The following PIK3C2A variants were observed in gnomAD, a reference collection of about 807,000 sequenced individuals.
PIK3C2A encodes phosphatidylinositol 4-phosphate 3-kinase C2 domain-containing subunit alpha.
In PIK3C2A, 97 loss-of-function variants were observed where a neutral mutation model predicts 204.5. That is an observed-to-expected ratio of 0.47 (90% CI 0.40 to 0.56). PIK3C2A has a LOEUF of 0.56. Ranked by LOEUF, PIK3C2A falls within the 20% of genes least tolerant of loss-of-function variation. The pLI is 0.00. For synonymous variants in PIK3C2A, 653 were observed against 664.4 expected, an observed-to-expected ratio of 0.98 and a Z score of 0.26; for missense variants, 1,735 against 1,969.2, an observed-to-expected ratio of 0.88 and a Z score of 2.25.
intron 1 of PIK3C2A, among the ~76,000 whole-genome samples, chr11:17,179,889 T>G (rs1057208418): frequency 1.3e-5 from 2 of 152,166 alleles, no homozygotes; most frequent in Non-Finnish European, 2.9e-5. Context: ...GGGATTACAG[T>G]GTGAACCATT....
chr11:17,159,709 C>A (rs192094751), intron 2 of PIK3C2A, among the ~76,000 whole-genome samples: 5 of 152,304 alleles, frequency 3.3e-5, no homozygotes, highest in Admixed American at 6.5e-5. Flanking sequence ...CTGTGAGGCA[C>A]AGAACTGGGA....
At chr11:17,130,740 G>A (rs1481968488) in intron 12 of PIK3C2A, among the ~76,000 whole-genome samples, 1 of 149,862 alleles carries the variant, frequency 6.7e-6, no homozygotes, top group Non-Finnish European at 1.5e-5. Context: ...CCGGGAAGCT[G>A]AGGTTACAGT....
intron 24 of PIK3C2A, among the ~76,000 whole-genome samples, 163 bp from the exon 25 acceptor site, chr11:17,101,597 CTTTTT>C (rs984303086): frequency 6.7e-6 from 1 of 149,172 alleles, no homozygotes; most frequent in East Asian, 1.9e-4. Flanking sequence ...TAACATTTTT[CTTTTT>C]TTTTCTTTTT....
At chr11:17,124,163 G>A (rs1348561432) in intron 13 of PIK3C2A, among the ~76,000 whole-genome samples, 1 of 152,098 alleles carries the variant, frequency 6.6e-6, no homozygotes, top group East Asian at 1.9e-4. Context: ...CACCACACCG[G>A]GCTATAGTCT....
chr11:17,140,241 C>G (rs1341044782), intron 8 of PIK3C2A, among the ~76,000 whole-genome samples: 1 of 151,930 alleles, frequency 6.6e-6, no homozygotes, highest in Non-Finnish European at 1.5e-5. Flanking sequence ...ACAGTGAGAC[C>G]TCCATTTCTT....
At chr11:17,166,773 C>T in intron 2 of PIK3C2A, among the ~76,000 whole-genome samples, 1 of 152,176 alleles carries the variant, frequency 6.6e-6, no homozygotes, top group Non-Finnish European at 1.5e-5. Flanking sequence ...AAACAGCTGA[C>T]ATCTTAAATC....
intron 11 of PIK3C2A, among the ~76,000 whole-genome samples, chr11:17,134,367 A>G (rs1849803058): frequency 7.1e-6 from 1 of 140,546 alleles, no homozygotes. Context: ...ACCACTGGCT[A>G]TTTTTTTTTT....
intron 22 of PIK3C2A, among the ~76,000 whole-genome samples, chr11:17,109,581 TGAGACAAGGTCTCACTGTTTTACCTGG>T (rs1295981453): frequency 1.3e-5 from 2 of 152,238 alleles, no homozygotes; most frequent in African/African-American, 4.8e-5. Context: ...TATTAGGTTT[TGAGACAAGGTCTCACTGTTTTACCTGG>T]GTTGGAGTGC....
chr11:17,181,493 T>A (rs1392474278), intron 1 of PIK3C2A, among the ~76,000 whole-genome samples: 1 of 151,424 alleles, frequency 6.6e-6, no homozygotes, highest in Non-Finnish European at 1.5e-5. Flanking sequence ...CGTAAGGCGC[T>A]GGGTGTGGCA....
At chr11:17,105,126 A>AT in intron 23 of PIK3C2A, 43 bp downstream of exon 23, 1 of 1,536,222 alleles carries the variant, frequency 6.5e-7, no homozygotes, top group Non-Finnish European at 9.0e-7. Context: ...TCTGTAACAC[A>AT]TTTTTGACAA....
Position 17,119,989 on chromosome 11 carries a change from G to A in PIK3C2A, c.2658-15C>T. The A allele has an allele frequency of 8.5e-7, 1 of 1,178,294 alleles. No individual in the cohort carries two copies. The highest frequency in any genetic ancestry group is 1.2e-6 in the Non-Finnish European group (1 of 827,732). The allele number at this position is 1,178,294 out of a possible 1,614,324, so 73.0% of individuals were successfully genotyped here. ...CTTTAGAAAGTCTGCATATATAATA[G>A]AATTAAATTACTTCTCAGTGATAAC... On this transcript the variant is annotated splice_polypyrimidine_tract_variant and intron_variant, in intron 15 of 32. Transcript: ENST00000691414.
At chr11:17,110,600 C>T (rs1565247514) in intron 21 of PIK3C2A, 39 bp from the exon 22 acceptor site, 1 of 1,576,966 alleles carries the variant, frequency 6.3e-7, no homozygotes, top group African/African-American at 1.4e-5. Flanking sequence ...TGTACATCTC[C>T]AAAAGACTTA....
At chr11:17,111,694 T>C (rs533794609) in intron 21 of PIK3C2A, among the ~76,000 whole-genome samples, 45 of 151,684 alleles carry the variant, frequency 3.0e-4, no homozygotes, top group African/African-American at 1.1e-3. Context: ...CTGGCCAACA[T>C]GGTGAAACCC....
chr11:17,138,315 A>C, intron 8 of PIK3C2A: 1 of 521,728 alleles, frequency 1.9e-6, no homozygotes, highest in Non-Finnish European at 3.4e-6. Context: ...GACGAAAAAC[A>C]GCCAGCTTCC....
chr11:17,094,726 A>C (rs76529535), intron 27 of PIK3C2A, among the ~76,000 whole-genome samples: 163 of 152,180 alleles, frequency 1.1e-3, no homozygotes, highest in African/African-American at 3.9e-3. Flanking sequence ...ATCTCAAAAA[A>C]ACCTTCTTTC....
At chr11:17,126,630 T>C (rs2040859) in intron 13 of PIK3C2A, among the ~76,000 whole-genome samples, 32,742 of 152,092 alleles carry the variant, frequency 0.22, 3,868 homozygotes, top group Middle Eastern at 0.33. Context: ...AGTGTAATAA[T>C]AATAATCATC....
intron 13 of PIK3C2A, 139 bp downstream of exon 13, chr11:17,129,161 C>T: frequency 1.6e-6 from 1 of 639,230 alleles, no homozygotes; most frequent in Middle Eastern, 2.8e-4. Flanking sequence ...TCTGAACTGA[C>T]CTCCTTTTAT....
chr11:17,167,969 G>A (rs911206058), intron 2 of PIK3C2A, among the ~76,000 whole-genome samples: 2 of 151,580 alleles, frequency 1.3e-5, no homozygotes, highest in African/African-American at 2.4e-5. Context: ...AACAAAATGC[G>A]TGAGAATTTC....
At chr11:17,200,048 T>C (rs1852312292) in intron 1 of PIK3C2A, among the ~76,000 whole-genome samples, 1 of 151,668 alleles carries the variant, frequency 6.6e-6, no homozygotes, top group African/African-American at 2.4e-5. Context: ...TAGCTGGGCA[T>C]AGTGGTGCGT....
Sources: gnomAD v4.1 joint callset for allele counts (sites outside exome capture counted in the v4.1 genomes callset) on GRCh38, gnomAD v4.1.1 for gene constraint, MANE v1.5 for transcripts, NCBI Gene and HGNC (gene_info 2026-07-23, HGNC 2026-07-21) for gene names.